Variants in CNOT6L observed in about 807,000 individuals in gnomAD.
CNOT6L encodes the protein CCR4-NOT transcription complex subunit 6-like.
Under a neutral mutation model 64.0 loss-of-function variants are expected in CNOT6L, and 7 were observed. The ratio of observed to expected loss-of-function variants is 0.11; its 90% CI spans 0.06 to 0.21. CNOT6L has a LOEUF of 0.21. Ranked by LOEUF, CNOT6L falls within the 10% of genes least tolerant of loss-of-function variation. CNOT6L has a pLI of 1.00. For synonymous variants in CNOT6L, 193 were observed against 243.4 expected, an observed-to-expected ratio of 0.79 and a Z score of 1.93; for missense variants, 245 against 669.0, an observed-to-expected ratio of 0.37 and a Z score of 6.99.
chr4:77,772,850 G>C (rs1207485343), intron 4 of CNOT6L, among the ~76,000 whole-genome samples: 1 of 152,146 alleles, frequency 6.6e-6, no homozygotes, highest in African/African-American at 2.4e-5. Flanking sequence ...ATGAAGCCAG[G>C]AGGCAGAGCT....
chr4:77,752,173 G>A (rs1198402746), intron 5 of CNOT6L, among the ~76,000 whole-genome samples: 1 of 152,078 alleles, frequency 6.6e-6, no homozygotes, highest in Non-Finnish European at 1.5e-5. Flanking sequence ...ACCAAAAAAG[G>A]AAAGAACAAG....
At chr4:77,802,967 A>G (rs1046490765) in intron 1 of CNOT6L, among the ~76,000 whole-genome samples, 2 of 152,222 alleles carry the variant, frequency 1.3e-5, no homozygotes, top group Non-Finnish European at 2.9e-5. Flanking sequence ...ACCTTTTATA[A>G]GGAATGATAA....
chr4:77,751,597 A>G (rs1015798822), intron 5 of CNOT6L, among the ~76,000 whole-genome samples: 4 of 152,188 alleles, frequency 2.6e-5, no homozygotes, highest in Admixed American at 6.5e-5. Flanking sequence ...GCTAAGACAG[A>G]TCGTAACTAA....
chr4:77,765,550 GA>G (rs1271128079), intron 4 of CNOT6L, among the ~76,000 whole-genome samples: 1 of 152,102 alleles, frequency 6.6e-6, no homozygotes, highest in African/African-American at 2.4e-5. Context: ...GAATAATACA[GA>G]ATTTTCCCCA....
chr4:77,719,305 G>A lies in CNOT6L; in HGVS notation c.*1126C>T, dbSNP rs1168405435. On this transcript the variant is annotated 3_prime_UTR_variant, in exon 12 of 12. Coordinates refer to ENST00000504123, the MANE Select transcript of CNOT6L (RefSeq NM_144571.3). The stretch of plus-strand genomic sequence containing the variant: ...ACTGAAACAAAGATTAAAAGCATAT[G>A]ATGGCCATTTGGCAGCTAGAGTCAG... 1 of 152,492 alleles carries A rather than the reference G, an allele frequency of 6.6e-6. No homozygotes were observed. Among genetic ancestry groups the A allele is most frequent in the Admixed American group, 6.6e-5 (1 of 15,248 alleles). 9.4% of individuals were successfully genotyped at this position (152,492 alleles called of 1,614,324 possible).
At chr4:77,791,487 C>A (rs907426728) in intron 1 of CNOT6L, among the ~76,000 whole-genome samples, 12 of 151,814 alleles carry the variant, frequency 7.9e-5, no homozygotes, top group Admixed American at 7.9e-4. Flanking sequence ...AGAATACTTA[C>A]AGATTCACAA....
At chr4:77,818,989 G>A in intron 1 of CNOT6L, 1 of 669,622 alleles carries the variant, frequency 1.5e-6, no homozygotes, top group Non-Finnish European at 2.7e-6. Flanking sequence ...AGGCTCGGGA[G>A]CCGCAGCCAC....
chr4:77,798,331 A>T (rs1030655547), intron 1 of CNOT6L, among the ~76,000 whole-genome samples: 11 of 152,208 alleles, frequency 7.2e-5, no homozygotes, highest in South Asian at 2.1e-4. Flanking sequence ...TAATTTTTTT[A>T]AAAAAAGAAA....
intron 5 of CNOT6L, among the ~76,000 whole-genome samples, chr4:77,750,363 T>TC (rs1208096318): frequency 2.2e-5 from 3 of 136,900 alleles, no homozygotes; most frequent in African/African-American, 8.4e-5. Flanking sequence ...AGTCAGTTTG[T>TC]TTTTTTTTGA....
intron 4 of CNOT6L, among the ~76,000 whole-genome samples, chr4:77,772,699 G>A (rs1727704824): frequency 6.6e-6 from 1 of 152,066 alleles, no homozygotes; most frequent in South Asian, 2.1e-4. Flanking sequence ...GAGGCCGGCG[G>A]ATCACGAGGT....
At chr4:77,811,612 T>C (rs894133299) in intron 1 of CNOT6L, among the ~76,000 whole-genome samples, 2 of 152,088 alleles carry the variant, frequency 1.3e-5, no homozygotes, top group Non-Finnish European at 2.9e-5. Context: ...CTAGCCCCTC[T>C]TCCTCCAGCA....
chr4:77,760,085 TA>T (rs564222182), intron 4 of CNOT6L, among the ~76,000 whole-genome samples: 133 of 152,294 alleles, frequency 8.7e-4, no homozygotes, highest in African/African-American at 3.0e-3. Flanking sequence ...TTTAATGTTT[TA>T]ATTGGTCCGG....
chr4:77,729,158 A>G, intron 9 of CNOT6L, 77 bp from the exon 10 acceptor site: 2 of 1,010,018 alleles, frequency 2.0e-6, no homozygotes, highest in Non-Finnish European at 3.1e-6. Context: ...AGGTTTTCTC[A>G]ATATGATCCA....
chr4:77,789,019 C>T (rs896534219), intron 1 of CNOT6L, among the ~76,000 whole-genome samples: 1 of 152,150 alleles, frequency 6.6e-6, no homozygotes, highest in Non-Finnish European at 1.5e-5. Context: ...CCCTTCCACA[C>T]ATCACTAGTA....
chr4:77,725,521 T>C (rs1195248348), intron 11 of CNOT6L, among the ~76,000 whole-genome samples: 1 of 152,218 alleles, frequency 6.6e-6, no homozygotes, highest in Non-Finnish European at 1.5e-5. Context: ...TTCTAAAGAA[T>C]AGCTGGTCCT....
intron 7 of CNOT6L, among the ~76,000 whole-genome samples, chr4:77,743,066 T>A (rs1479514218): frequency 2.0e-5 from 3 of 152,230 alleles, no homozygotes; most frequent in Middle Eastern, 3.4e-3. Context: ...TTAAGTACAA[T>A]AAATAAGAAT....
At chr4:77,724,941 G>GT (rs11385987) in intron 11 of CNOT6L, among the ~76,000 whole-genome samples, 73,062 of 151,878 alleles carry the variant, frequency 0.48, 18,681 homozygotes, top group Non-Finnish European at 0.56. Context: ...ATGTTCAATG[G>GT]TATCATGTTG....
upstream of CNOT6L, chr4:77,819,462 G>C: frequency 1.4e-6 from 2 of 1,475,738 alleles, no homozygotes; most frequent in Non-Finnish European, 1.8e-6. Flanking sequence ...AACACCCACG[G>C]CGGGCCTCGC....
rs184275022 is a variant in CNOT6L at position 77,759,204 on chromosome 4, T to C, written c.401-2253A>G. Among the ~76,000 whole-genome samples, 202 of 152,096 alleles carry C rather than the reference T, an allele frequency of 1.3e-3. 1 individual carries two copies. The highest frequency in any genetic ancestry group is 4.8e-3 in the African/African-American group (200 of 41,482). The stretch of plus-strand genomic sequence containing the variant: ...TGCACAATATATACAAAGAAGTTTA[T>C]GAAAGGATTTCATTTAAAAACAGAT... On this transcript the variant is annotated intron_variant, in intron 4 of 11. Transcript: ENST00000504123.
Sources: allele counts gnomAD v4.1 joint callset (sites outside exome capture counted in the v4.1 genomes callset), GRCh38; gene constraint gnomAD v4.1.1; transcripts MANE v1.5; gene names NCBI Gene and HGNC (gene_info 2026-07-23, HGNC 2026-07-21).